The following SORBS2 variants were observed in gnomAD, a reference collection of about 807,000 sequenced individuals.
SORBS2 encodes the protein sorbin and SH3 domain-containing protein 2.
Under a neutral mutation model 97.7 loss-of-function variants are expected in SORBS2, and 46 were observed. That is an observed-to-expected ratio of 0.47 (90% CI 0.37 to 0.60). The LOEUF (loss-of-function observed/expected upper bound fraction) is 0.60, where lower values mean the gene tolerates loss of function less well. Among genes scored for constraint, SORBS2 ranks in the 20% least tolerant of loss-of-function variants. SORBS2 has a pLI of 0.00. For synonymous variants in SORBS2, 476 were observed against 473.4 expected (o/e 1.01, Z -0.07); for missense variants, 1,316 against 1,282.3 (o/e 1.03, Z -0.40).
At chr4:185,833,645 C>T (rs1475989377) in intron 1 of SORBS2, among the ~76,000 whole-genome samples, 2 of 152,126 alleles carry the variant, frequency 1.3e-5, no homozygotes, top group African/African-American at 4.8e-5. Flanking sequence ...TCATATTTCT[C>T]CATATGAAAA....
At chr4:185,920,539 G>C (rs2099260495) in intron 1 of SORBS2, among the ~76,000 whole-genome samples, 1 of 152,176 alleles carries the variant, frequency 6.6e-6, no homozygotes, top group South Asian at 2.1e-4. Context: ...TTCAGTGACT[G>C]AAAGTGGAAA....
intron 1 of SORBS2, among the ~76,000 whole-genome samples, chr4:185,813,611 C>T (rs2099190706): frequency 6.6e-6 from 1 of 152,222 alleles, no homozygotes; most frequent in Non-Finnish European, 1.5e-5. Context: ...GTTTCAGAAT[C>T]CTGCATTACA....
At chr4:185,633,723 A>T (rs956140617) in intron 4 of SORBS2, among the ~76,000 whole-genome samples, 28 of 151,044 alleles carry the variant, frequency 1.9e-4, no homozygotes, top group South Asian at 1.5e-3. Context: ...AGAGAGATAT[A>T]TTTTTTTTTC....
chr4:185,596,170 A>G (rs1169554944), intron 12 of SORBS2, among the ~76,000 whole-genome samples: 1 of 152,216 alleles, frequency 6.6e-6, no homozygotes, highest in African/African-American at 2.4e-5. Context: ...AACCATTTTA[A>G]TATTTTAAAA....
chr4:185,685,193 C>T (rs1027203969), intron 2 of SORBS2, among the ~76,000 whole-genome samples: 4 of 152,324 alleles, frequency 2.6e-5, no homozygotes, highest in Middle Eastern at 3.4e-3. Flanking sequence ...AATCTATAAG[C>T]ACTGGATCTG....
At chr4:185,922,892 TA>T (rs2099261583) in intron 1 of SORBS2, among the ~76,000 whole-genome samples, 1 of 152,162 alleles carries the variant, frequency 6.6e-6, no homozygotes, top group Non-Finnish European at 1.5e-5. Context: ...TCCTTGCTAG[TA>T]AACTGAGGGA....
intron 2 of SORBS2, among the ~76,000 whole-genome samples, chr4:185,710,296 G>A (rs914497044): frequency 6.6e-6 from 1 of 152,316 alleles, no homozygotes; most frequent in East Asian, 1.9e-4. Context: ...CAGTCTTGAC[G>A]CCTGGGAGCT....
chr4:185,756,911 C>T (rs28523731), intron 2 of SORBS2: 323,274 of 1,205,864 alleles, frequency 0.27, 45,089 homozygotes, highest in African/African-American at 0.4. Context: ...CCTGAATGGT[C>T]CATATTGAGT....
intron 12 of SORBS2, among the ~76,000 whole-genome samples, chr4:185,611,304 C>T (rs955030356): frequency 4.6e-5 from 7 of 151,842 alleles, no homozygotes; most frequent in Admixed American, 4.6e-4. Context: ...TTGAGATATA[C>T]ATAGTATTTT....
exon 12 of SORBS2, chr4:185,611,886 T>C (rs780636941): frequency 1.2e-6 from 2 of 1,614,052 alleles, no homozygotes; most frequent in Non-Finnish European, 1.7e-6. Context: ...GACCTCCACA[T>C]AGGAAACAGG....
intron 4 of SORBS2, chr4:185,635,410 G>A: frequency 3.1e-6 from 5 of 1,613,218 alleles, no homozygotes; most frequent in Non-Finnish European, 4.2e-6. Flanking sequence ...CTTTTTAGGA[G>A]GCTGGGTGTA....
intron 1 of SORBS2, among the ~76,000 whole-genome samples, chr4:185,782,310 C>T (rs768442357): frequency 6.6e-6 from 1 of 152,232 alleles, no homozygotes; most frequent in Non-Finnish European, 1.5e-5. Flanking sequence ...GCAGGTGCCA[C>T]TTGCTTTTCC....
At chr4:185,935,385 C>T (rs563515777) in intron 1 of SORBS2, among the ~76,000 whole-genome samples, 2 of 152,308 alleles carry the variant, frequency 1.3e-5, no homozygotes, top group Admixed American at 6.5e-5. Flanking sequence ...GGAGATAACA[C>T]GTTTAAGAGA....
At chr4:185,934,699 G>A (rs551193716) in intron 1 of SORBS2, among the ~76,000 whole-genome samples, 3 of 151,184 alleles carry the variant, frequency 2.0e-5, no homozygotes, top group Admixed American at 6.6e-5. Flanking sequence ...CAAGAGAATC[G>A]CTTGAACCCG....
chr4:185,647,726 A>T (rs1581752136), intron 3 of SORBS2, among the ~76,000 whole-genome samples: 2 of 152,322 alleles, frequency 1.3e-5, no homozygotes, highest in East Asian at 1.9e-4. Flanking sequence ...AGACCCCTTA[A>T]ACTTTCTCAG....
At chr4:185,670,846 G>A (rs72718143) in intron 4 of SORBS2, among the ~76,000 whole-genome samples, 39,295 of 152,040 alleles carry the variant, frequency 0.26, 6,423 homozygotes, top group Non-Finnish European at 0.37. Context: ...TGATTAGGAA[G>A]GGGGAGTAAC....
At chr4:185,707,794 A>G (rs896418256) in intron 2 of SORBS2, among the ~76,000 whole-genome samples, 6 of 152,156 alleles carry the variant, frequency 3.9e-5, no homozygotes, top group Admixed American at 2.6e-4. Flanking sequence ...TCCCATTTAT[A>G]AAACCATCAG....
chr4:185,867,329 T>C (rs1215350104), intron 1 of SORBS2, among the ~76,000 whole-genome samples: 1 of 152,116 alleles, frequency 6.6e-6, no homozygotes, highest in Non-Finnish European at 1.5e-5. Flanking sequence ...ATTTTAAAGA[T>C]GAAAATAGAA....
intron 4 of SORBS2, among the ~76,000 whole-genome samples, chr4:185,641,739 T>G (rs914457279): frequency 7.9e-5 from 12 of 151,528 alleles, no homozygotes; most frequent in African/African-American, 2.9e-4. Context: ...GTGTGATTTT[T>G]TTGTTGTTGT....
Sources: gnomAD v4.1 joint callset for allele counts (sites outside exome capture counted in the v4.1 genomes callset) on GRCh38, gnomAD v4.1.1 for gene constraint, MANE v1.5 for transcripts, NCBI Gene and HGNC (gene_info 2026-07-23, HGNC 2026-07-21) for gene names.